TIAM1: variants seen among roughly 807,000 people sequenced by gnomAD.
TIAM1 encodes the protein rho guanine nucleotide exchange factor TIAM1.
A neutral mutation model predicts 163.5 loss-of-function variants in TIAM1; 65 were observed. That is an observed-to-expected ratio of 0.40 (90% CI 0.33 to 0.49). The LOEUF (loss-of-function observed/expected upper bound fraction) is 0.49. Among genes scored for constraint, TIAM1 ranks in the 20% least tolerant of loss-of-function variants. The probability of loss-of-function intolerance (pLI) is 0.77; values close to 1 mark genes in which losing one functional copy is unlikely to be tolerated. For synonymous variants in TIAM1, 833 were observed against 810.1 expected (o/e 1.03, Z -0.48); for missense variants, 1,789 against 2,044.7 (o/e 0.87, Z 2.41).
In TIAM1 at chr21:31,277,589, G is replaced by C. The variant is rs544236691; in HGVS notation, c.-188-681C>G. 2.0e-5 allele frequency among the ~76,000 whole-genome samples: 3 copies of C among 152,284 alleles called. No individual in the cohort carries two copies. In the South Asian group the frequency reaches 6.2e-4, roughly 32 times the overall value. On this transcript the variant is annotated intron_variant, in intron 2 of 27. Coordinates refer to ENST00000541036, the MANE Select transcript of TIAM1 (RefSeq NM_001353694.2). The stretch of plus-strand genomic sequence containing the variant: ...GAACCCGGGAGGTGGAGGTTGCAGT[G>C]AGCCAAGATCACACCTTTGCACTCC...
chr21:31,158,398 AG>A (rs1304173176), intron 16 of TIAM1, among the ~76,000 whole-genome samples: 1 of 152,190 alleles, frequency 6.6e-6, no homozygotes, highest in African/African-American at 2.4e-5. Context: ...AAGTTGAGCA[AG>A]GGGCAAAGCA....
rs146967287 is a variant in TIAM1 at position 31,251,807 on chromosome 21, T to C, written c.1346A>G (p.Lys449Arg). ...GGCTGACTCCACCTTCTTGTTCTTC[T>C]TGTGCACCAGGAAGTTCTTGACGGC... ...ALAVKNFLVH[K>R]KNKKVESATR... Residue 449 changes from lysine (K) to arginine (R), a missense_variant, in exon 5 of 28, where the codon AAG (lysine) becomes AGG (arginine). Physicochemically the swap from Lys to Arg is conservative, Grantham distance 26 (BLOSUM62 2). Coordinates refer to ENST00000541036, the MANE Select transcript of TIAM1 (RefSeq NM_001353694.2). The C allele has an allele frequency of 6.2e-7, 1 of 1,612,642 alleles. No individual in the cohort carries two copies. Among genetic ancestry groups the C allele is most frequent in the African/African-American group, 1.3e-5 (1 of 74,932 alleles).
intron 2 of TIAM1, among the ~76,000 whole-genome samples, chr21:31,420,708 GGGGTCAAATAGGGTCTCCCTCAAAATAGT>G (rs2043537403): frequency 6.6e-6 from 1 of 152,066 alleles, no homozygotes; most frequent in Non-Finnish European, 1.5e-5. Flanking sequence ...TTCTATCTAG[GGGGTCAAATAGGGTCTCCCTCAAAATAGT>G]GGGTCAAATA....
At chr21:31,236,299 C>T (rs1033782443) in intron 6 of TIAM1, among the ~76,000 whole-genome samples, 2 of 152,204 alleles carry the variant, frequency 1.3e-5, no homozygotes, top group African/African-American at 4.8e-5. Flanking sequence ...CCTGGGGCTC[C>T]ACATATCCTA....
rs1165025474 is a variant in TIAM1 at position 31,505,979 on chromosome 21, C to CCA, written c.-421-41946_-421-41945dup. On this transcript the variant is annotated intron_variant, in intron 1 of 28. Coordinates refer to the TIAM1 transcript ENST00000286827. ...AGCCAAGATCTTGGGCCACTGCACT[C>CCA]CAGCCTGGGCGACACGGTGAGACTC... Among the ~76,000 whole-genome samples, 5 of 146,914 alleles carry CCA rather than the reference C, an allele frequency of 3.4e-5. No homozygotes were observed. In the East Asian group the frequency reaches 1.0e-3, roughly 30 times the overall value.
chr21:31,164,939 A>T (rs768560779), intron 16 of TIAM1, 23 bp downstream of exon 16: 1 of 1,608,562 alleles, frequency 6.2e-7, no homozygotes, highest in South Asian at 1.1e-5. Context: ...AAAGCATGGG[A>T]TGTGAAAATG....
chr21:31,473,369 G>A (rs2045816424), intron 1 of TIAM1, among the ~76,000 whole-genome samples: 1 of 135,462 alleles, frequency 7.4e-6, no homozygotes, highest in African/African-American at 2.7e-5. Flanking sequence ...GGCAGAGCTT[G>A]CAGTGAGCCG....
chr21:31,145,440 C>G (rs1336108094), intron 20 of TIAM1, among the ~76,000 whole-genome samples: 2 of 152,212 alleles, frequency 1.3e-5, no homozygotes, highest in Admixed American at 6.5e-5. Flanking sequence ...GAACAGCAAG[C>G]TGATTTCCAG....
At chr21:31,282,152 T>A (rs574139215) in intron 2 of TIAM1, among the ~76,000 whole-genome samples, 1 of 152,160 alleles carries the variant, frequency 6.6e-6, no homozygotes, top group Non-Finnish European at 1.5e-5. Flanking sequence ...AATTTCACAA[T>A]GTCCAAATCG....
chr21:31,407,655 G>A (rs1428114095), intron 2 of TIAM1, among the ~76,000 whole-genome samples: 1,642 of 18,552 alleles, frequency 0.089, 44 homozygotes, highest in African/African-American at 0.2. Flanking sequence ...TTTTTTTTTT[G>A]GACAGAGTCT....
At chr21:31,280,032 G>GCGCA (rs1555914904) in intron 2 of TIAM1, among the ~76,000 whole-genome samples, 11 of 151,094 alleles carry the variant, frequency 7.3e-5, no homozygotes, top group African/African-American at 2.4e-4. Flanking sequence ...ACGCGTGCGC[G>GCGCA]CACACACACA....
At chr21:31,189,718 C>A (rs1297057476) in intron 13 of TIAM1, among the ~76,000 whole-genome samples, 1 of 152,048 alleles carries the variant, frequency 6.6e-6, no homozygotes, top group Non-Finnish European at 1.5e-5. Flanking sequence ...CCTTGCCTTG[C>A]AACAAACATG....
At chr21:31,233,752 T>C (rs967885469) in intron 6 of TIAM1, among the ~76,000 whole-genome samples, 3 of 152,136 alleles carry the variant, frequency 2.0e-5, no homozygotes, top group Admixed American at 2.0e-4. Context: ...CCACTGAAAA[T>C]GGTGATATAA....
intron 27 of TIAM1, among the ~76,000 whole-genome samples, chr21:31,122,331 TTA>T (rs61621148): frequency 5.3e-5 from 8 of 152,332 alleles, no homozygotes; most frequent in African/African-American, 1.9e-4. Context: ...TTGTTCACTT[TTA>T]TCTCAGCACC....
At chr21:31,265,810 C>G (rs2072726863) in intron 4 of TIAM1, among the ~76,000 whole-genome samples, 200 bp downstream of exon 4, 1 of 152,070 alleles carries the variant, frequency 6.6e-6, no homozygotes, top group South Asian at 2.1e-4. Context: ...TCCCTTAATC[C>G]CCACCCCTTA....
At chr21:31,276,289 G>A (rs899951018) in intron 3 of TIAM1, among the ~76,000 whole-genome samples, 3 of 152,174 alleles carry the variant, frequency 2.0e-5, no homozygotes, top group Admixed American at 1.3e-4. Context: ...GGAAAGTTTT[G>A]CAACAAATAT....
intron 5 of TIAM1, among the ~76,000 whole-genome samples, chr21:31,249,037 T>C (rs2071654464): frequency 6.6e-6 from 1 of 152,160 alleles, no homozygotes; most frequent in Non-Finnish European, 1.5e-5. Context: ...AGAGTGAGAA[T>C]CCCCTGGGAA....
At chr21:31,478,283 C>T (rs1356831053) in intron 1 of TIAM1, among the ~76,000 whole-genome samples, 1 of 152,158 alleles carries the variant, frequency 6.6e-6, no homozygotes, top group Non-Finnish European at 1.5e-5. Flanking sequence ...TCATCCATTC[C>T]CAGATGAGTC....
intron 15 of TIAM1, among the ~76,000 whole-genome samples, chr21:31,169,758 G>A (rs2084416319): frequency 6.6e-6 from 1 of 151,668 alleles, no homozygotes; most frequent in African/African-American, 2.4e-5. Flanking sequence ...CCCCAAAAAA[G>A]GTACTTGGGG....
Sources: allele counts gnomAD v4.1 joint callset (sites outside exome capture counted in the v4.1 genomes callset), GRCh38; gene constraint gnomAD v4.1.1; transcripts MANE v1.5; gene names NCBI Gene and HGNC (gene_info 2026-07-23, HGNC 2026-07-21).